The following ZBTB20 variants were observed in gnomAD, a reference collection of about 807,000 sequenced individuals.
The protein encoded by ZBTB20 is zinc finger and BTB domain-containing protein 20.
ZBTB20 carries 9 observed loss-of-function variants against 56.9 expected under a neutral mutation model. The ratio of observed to expected loss-of-function variants is 0.16; its 90% CI spans 0.10 to 0.28. The LOEUF (loss-of-function observed/expected upper bound fraction) is 0.28, where lower values mean the gene tolerates loss of function less well. ZBTB20 is among the 10% of genes least tolerant of loss of function. The probability of loss-of-function intolerance (pLI) is 1.00; values close to 1 mark genes in which losing one functional copy is unlikely to be tolerated. For synonymous variants in ZBTB20, 417 were observed against 420.7 expected (o/e 0.99, Z 0.11); for missense variants, 655 against 1,003.0 (o/e 0.65, Z 4.69).
In ZBTB20 at chr3:114,319,303, A is replaced by G. The variant is rs1354860602; in HGVS notation, c.*19702T>C. ...CACAAAAAAATGTAGAAAAAATTCC[A>G]ACAATTTTTTTCCTCTCCTAAACAT... On this transcript the variant is annotated 3_prime_UTR_variant, in exon 12 of 12. Coordinates refer to ENST00000675478, the MANE Select transcript of ZBTB20 (RefSeq NM_001348800.3). 1.3e-5 allele frequency: 2 copies of G among 152,188 alleles called. No homozygotes were observed. Among genetic ancestry groups the G allele is most frequent in the Non-Finnish European group, 2.9e-5 (2 of 68,026 alleles). The allele number at this position is 152,188 out of a possible 1,614,324, so 9.4% of individuals were successfully genotyped here. A position where few individuals can be genotyped will look rare whatever the true frequency, so the allele number is the denominator to read the frequency against.
At chr3:114,798,214 G>T (rs2071454361) in intron 5 of ZBTB20, among the ~76,000 whole-genome samples, 1 of 151,550 alleles carries the variant, frequency 6.6e-6, no homozygotes, top group Non-Finnish European at 1.5e-5. Context: ...TTAAACTACT[G>T]AAGTTCTAAT....
At chr3:115,065,559 G>T (rs1226474432) in intron 2 of ZBTB20, among the ~76,000 whole-genome samples, 1 of 152,074 alleles carries the variant, frequency 6.6e-6, no homozygotes, top group African/African-American at 2.4e-5. Context: ...CCCTTACTAG[G>T]AAGGAACATG....
chr3:115,119,232 G>C (rs1266346758), intron 1 of ZBTB20, among the ~76,000 whole-genome samples: 5 of 152,092 alleles, frequency 3.3e-5, no homozygotes, highest in Non-Finnish European at 7.4e-5. Flanking sequence ...GAGTATAAAA[G>C]TTAAAGGTAT....
At chr3:114,980,667 C>A (rs2078289395) in intron 2 of ZBTB20, among the ~76,000 whole-genome samples, 1 of 151,388 alleles carries the variant, frequency 6.6e-6, no homozygotes, top group South Asian at 2.1e-4. Context: ...ACTCTTATTC[C>A]TGAGTATACC....
At chr3:114,349,137 C>T (rs2080430090) in intron 11 of ZBTB20, among the ~76,000 whole-genome samples, 1 of 148,650 alleles carries the variant, frequency 6.7e-6, no homozygotes, top group Admixed American at 6.8e-5. Flanking sequence ...GAGGTTGAGG[C>T]TGCAGTGAGC....
chr3:115,000,051 A>C (rs1423012348), intron 2 of ZBTB20, among the ~76,000 whole-genome samples: 1 of 151,620 alleles, frequency 6.6e-6, no homozygotes, highest in Non-Finnish European at 1.5e-5. Flanking sequence ...ATTTAAAAAA[A>C]AAATAGCAAA....
intron 2 of ZBTB20, among the ~76,000 whole-genome samples, chr3:114,996,876 A>G (rs906401044): frequency 1.7e-4 from 26 of 151,776 alleles, no homozygotes; most frequent in East Asian, 3.9e-4. Context: ...ATAAACATGG[A>G]AAAAAAAGCT....
chr3:115,113,498 T>C (rs1266571222), intron 1 of ZBTB20, among the ~76,000 whole-genome samples: 1 of 152,200 alleles, frequency 6.6e-6, no homozygotes, highest in African/African-American at 2.4e-5. Flanking sequence ...GCAATGGTGC[T>C]CCAACAGGGT....
At chr3:114,534,931 T>C (rs1291708450) in intron 6 of ZBTB20, among the ~76,000 whole-genome samples, 3 of 152,188 alleles carry the variant, frequency 2.0e-5, no homozygotes, top group African/African-American at 7.2e-5. Flanking sequence ...AAATAAGTTC[T>C]TTGAAACCAA....
intron 6 of ZBTB20, among the ~76,000 whole-genome samples, chr3:114,558,912 A>C (rs1240023489): frequency 2.0e-5 from 3 of 152,130 alleles, no homozygotes; most frequent in African/African-American, 7.2e-5. Flanking sequence ...AATTTGCCTG[A>C]AATGATTTTC....
chr3:114,783,611 T>G (rs945002287), intron 5 of ZBTB20, among the ~76,000 whole-genome samples: 3 of 151,816 alleles, frequency 2.0e-5, no homozygotes, highest in African/African-American at 7.3e-5. Flanking sequence ...TTGACCAACA[T>G]GGTGAAACCC....
At chr3:114,835,045 A>C (rs2108973726) in intron 4 of ZBTB20, among the ~76,000 whole-genome samples, 1 of 152,278 alleles carries the variant, frequency 6.6e-6, no homozygotes, top group East Asian at 1.9e-4. Flanking sequence ...AAAGCTAAAC[A>C]ATAATTTCTA....
chr3:114,668,708 G>T (rs1290275703), intron 6 of ZBTB20, among the ~76,000 whole-genome samples: 1 of 152,044 alleles, frequency 6.6e-6, no homozygotes, highest in Non-Finnish European at 1.5e-5. Flanking sequence ...CAATAGCAGT[G>T]TGCCAGCTTA....
At chr3:114,768,411 A>G (rs1357216164) in intron 5 of ZBTB20, among the ~76,000 whole-genome samples, 1 of 152,086 alleles carries the variant, frequency 6.6e-6, no homozygotes, top group Admixed American at 6.6e-5. Flanking sequence ...GCACTAATAT[A>G]TAATACTGCC....
chr3:114,781,178 G>C (rs2070070070), intron 5 of ZBTB20, among the ~76,000 whole-genome samples: 2 of 152,078 alleles, frequency 1.3e-5, no homozygotes, highest in South Asian at 4.1e-4. Flanking sequence ...CCCTGGGACT[G>C]AATTTTGATT....
intron 6 of ZBTB20, among the ~76,000 whole-genome samples, chr3:114,546,358 G>A (rs1385313948): frequency 5.3e-5 from 8 of 152,100 alleles, no homozygotes; most frequent in Non-Finnish European, 1.2e-4. Flanking sequence ...CACTACCTCT[G>A]AAAACTATTG....
chr3:114,936,675 A>G (rs2076545822), intron 3 of ZBTB20, among the ~76,000 whole-genome samples: 1 of 152,210 alleles, frequency 6.6e-6, no homozygotes, highest in Non-Finnish European at 1.5e-5. Flanking sequence ...AGAAATTTTA[A>G]AAGTGAGATA....
At chr3:114,753,180 G>A (rs1446623050) in intron 5 of ZBTB20, among the ~76,000 whole-genome samples, 1 of 150,178 alleles carries the variant, frequency 6.7e-6, no homozygotes, top group African/African-American at 2.5e-5. Context: ...AAGTAATGGG[G>A]AACACAGGAG....
chr3:114,873,956 C>T (rs2076101716), intron 4 of ZBTB20: 1 of 152,176 alleles, frequency 6.6e-6, no homozygotes, highest in East Asian at 1.9e-4. Flanking sequence ...TATCCAAGAA[C>T]CAACACTGCC....
Sources: allele counts gnomAD v4.1 joint callset (sites outside exome capture counted in the v4.1 genomes callset), GRCh38; gene constraint gnomAD v4.1.1; transcripts MANE v1.5; gene names NCBI Gene and HGNC (gene_info 2026-07-23, HGNC 2026-07-21).